Variants in ZGRF1 observed in about 807,000 individuals in gnomAD.
ZGRF1 encodes 5'-3' DNA helicase ZGRF1.
Under a neutral mutation model 203.5 loss-of-function variants are expected in ZGRF1, and 196 were observed. That is an observed-to-expected ratio of 0.96 (90% CI 0.86 to 1.08). ZGRF1 has a LOEUF of 1.08. ZGRF1 is among the 50% of genes least tolerant of loss of function. The pLI, the probability that ZGRF1 is intolerant of heterozygous loss-of-function variation, is 0.00. For missense variants in ZGRF1, 2,326 were observed against 2,416.3 expected, an observed-to-expected ratio of 0.96 and a Z score of 0.78; for synonymous variants, 809 against 841.3, an observed-to-expected ratio of 0.96 and a Z score of 0.66.
Position 112,619,330 on chromosome 4 carries a change from A to T in ZGRF1, c.712T>A (p.Leu238Met). Residue 238 changes from leucine to methionine, a missense_variant, in exon 6 of 28, where the codon TTG becomes ATG. Physicochemically the swap from Leu to Met is conservative, Grantham distance 15. Coordinates refer to ENST00000505019, the MANE Select transcript of ZGRF1 (RefSeq NM_018392.5). ...LTNEPVKRDS[L>M]ASHYSGVSQN... The stretch of plus-strand genomic sequence containing the variant: ...GAAACTCCTGAATAGTGAGATGCCA[A>T]ACTATCTCTTTTCACAGGCTCATTG... 1 of 1,612,682 alleles carries T rather than the reference A, an allele frequency of 6.2e-7. No homozygotes were observed. The highest frequency in any genetic ancestry group is 8.5e-7 in the Non-Finnish European group (1 of 1,179,310).
chr4:112,555,841 C>A (rs1740831361), intron 20 of ZGRF1, among the ~76,000 whole-genome samples: 1 of 152,196 alleles, frequency 6.6e-6, no homozygotes, highest in South Asian at 2.1e-4. Flanking sequence ...TCAGGTTCTT[C>A]TCAGAGATTT....
chr4:112,542,725 C>A (rs927091432), intron 24 of ZGRF1, among the ~76,000 whole-genome samples: 2 of 152,136 alleles, frequency 1.3e-5, no homozygotes, highest in Non-Finnish European at 2.9e-5. Flanking sequence ...AGGTGCCTGA[C>A]ACCCCACCCA....
In ZGRF1 at chr4:112,618,078, T is replaced by C. The variant is rs1378205247; in HGVS notation, c.1964A>G (p.Tyr655Cys). 6.2e-7 allele frequency: 1 copy of C among 1,613,930 alleles called. No individual in the cohort carries two copies. The highest frequency in any genetic ancestry group is 1.7e-5 in the Admixed American group (1 of 60,028). Reference protein sequence around the residue: ...FESFKWTDAVYGDNKEDANKP... With the variant: ...FESFKWTDAVCGDNKEDANKP... ...ATTAGCATCTTCTTTATTATCTCCG[T>C]ATACAGCATCAGTCCACTTGAAAGA... is the stretch of plus-strand genomic sequence containing the variant. The change falls in exon 6 of 28, where the codon TAC (tyrosine) becomes TGC (cysteine). Residue 655 changes from tyrosine (Y) to cysteine (C), a missense_variant. Coordinates refer to ENST00000505019, the MANE Select transcript of ZGRF1 (RefSeq NM_018392.5).
In ZGRF1 at chr4:112,619,501, T is replaced by C. The variant is rs778886166; in HGVS notation, c.541A>G (p.Thr181Ala). Residue 181 changes from threonine to alanine, a missense_variant, in exon 6 of 28, where the codon ACT becomes GCT. Physicochemically the swap from Thr to Ala is moderately conservative, Grantham distance 58. Coordinates refer to ENST00000505019, the MANE Select transcript of ZGRF1 (RefSeq NM_018392.5). ...NILADPENIV[T>A]YKNRERNAMD... Reference sequence around the variant, plus strand: ...GCATTTCTCTCCCTGTTCTTGTAAGTCACAATGTTCTCAGGGTCTGCCAGT... The same window carrying C: ...GCATTTCTCTCCCTGTTCTTGTAAGCCACAATGTTCTCAGGGTCTGCCAGT... The C allele has an allele frequency of 1.2e-5, 20 of 1,613,390 alleles. No homozygotes were observed. Among genetic ancestry groups the C allele is most frequent in the Admixed American group, 1.7e-5 (1 of 59,874 alleles).
At chr4:112,624,601 T>C (rs1384404435) in intron 3 of ZGRF1, among the ~76,000 whole-genome samples, 4 of 152,100 alleles carry the variant, frequency 2.6e-5, no homozygotes, top group Admixed American at 6.6e-5. Flanking sequence ...TATTGACATT[T>C]GGGAGGATAA....
At position 112,541,149 on chromosome 4, in the gene ZGRF1, G is replaced by T; in HGVS notation, c.5718C>A (p.Ser1906Arg). The change falls in exon 25 of 28, where the codon AGC (serine) becomes AGA (arginine). Residue 1906 changes from serine (S) to arginine (R), a missense_variant. Ser to Arg is a moderately radical substitution (Grantham distance 110). Coordinates refer to ENST00000505019, the MANE Select transcript of ZGRF1 (RefSeq NM_018392.5). Reference sequence around the variant, plus strand: ...GGGTTGGTAGCCATTCCAATAAAGGGCTCCGCTCTATTTCTGTTACACCAT... The same window carrying T: ...GGGTTGGTAGCCATTCCAATAAAGGTCTCCGCTCTATTTCTGTTACACCAT... ...LMNGVTEIERSPLLEWLPTLC... is the reference protein window; with the variant it reads ...LMNGVTEIERRPLLEWLPTLC... 1 of 1,609,792 alleles carries T rather than the reference G, an allele frequency of 6.2e-7. No homozygotes were observed. Among genetic ancestry groups the T allele is most frequent in the South Asian group, 1.1e-5 (1 of 90,162 alleles).
At chr4:112,576,028 C>T (rs548514902) in intron 16 of ZGRF1, among the ~76,000 whole-genome samples, 1 of 152,232 alleles carries the variant, frequency 6.6e-6, no homozygotes, top group Admixed American at 6.5e-5. Context: ...AGGCACCCCC[C>T]AGTAGGGGCA....
chr4:112,557,683 G>C (rs1463308412), intron 20 of ZGRF1, among the ~76,000 whole-genome samples: 1 of 152,180 alleles, frequency 6.6e-6, no homozygotes, highest in African/African-American at 2.4e-5. Context: ...ACTGAGGCTG[G>C]GGATCCATTA....
intron 14 of ZGRF1, 143 bp from the exon 15 acceptor site, chr4:112,584,317 T>C: frequency 2.4e-6 from 1 of 412,982 alleles, no homozygotes; most frequent in Non-Finnish European, 4.2e-6. Flanking sequence ...CTTAACTTTA[T>C]CATTAATTTA....
Position 112,619,330 on chromosome 4 carries a change from A to G in ZGRF1, c.712T>C (p.Leu238=), listed in dbSNP as rs976958709. ...LTNEPVKRDS[L]ASHYSGVSQN... ...GAAACTCCTGAATAGTGAGATGCCA[A>G]ACTATCTCTTTTCACAGGCTCATTG... Residue 238 remains leucine (L), a synonymous_variant, in exon 6 of 28, where the codon TTG becomes CTG. Transcript: ENST00000505019. 2 of 1,612,564 alleles carry G rather than the reference A, an allele frequency of 1.2e-6. No homozygotes were observed. Among genetic ancestry groups the G allele is most frequent in the Admixed American group, 3.3e-5 (2 of 59,854 alleles).
chr4:112,588,257 G>A (rs1747568240), intron 11 of ZGRF1, among the ~76,000 whole-genome samples: 2 of 151,744 alleles, frequency 1.3e-5, no homozygotes, highest in Non-Finnish European at 1.5e-5. Flanking sequence ...CAACAAAAAT[G>A]CATCATTCTC....
At chr4:112,603,977 C>T (rs1234288518) in intron 9 of ZGRF1, among the ~76,000 whole-genome samples, 2 of 152,156 alleles carry the variant, frequency 1.3e-5, no homozygotes, top group East Asian at 1.9e-4. Flanking sequence ...AATTCCTGCA[C>T]TTTGGGAGGC....
chr4:112,594,421 T>C (rs1018291840), intron 10 of ZGRF1, among the ~76,000 whole-genome samples: 1 of 151,978 alleles, frequency 6.6e-6, no homozygotes, highest in Non-Finnish European at 1.5e-5. Context: ...AGGAAAGCTA[T>C]TAATTTTTTA....
intron 16 of ZGRF1, among the ~76,000 whole-genome samples, chr4:112,581,101 A>G (rs1219123360): frequency 6.6e-6 from 1 of 152,108 alleles, no homozygotes; most frequent in Non-Finnish European, 1.5e-5. Context: ...TGCAGCCATA[A>G]AAAAGGATGA....
rs965841797 is a variant in ZGRF1 at position 112,553,908 on chromosome 4, G to C, written c.5273C>G (p.Pro1758Arg). Residue 1758 changes from proline (P) to arginine (R), a missense_variant, in exon 22 of 28, where the codon CCT becomes CGT. Transcript: ENST00000505019. ...LHALMKEDLT[P>R]TERVYVRKSI... ...TTTTCTCACATAGACTCTTTCCGTAGGAGTCAGGTCTTCTTTCATTAGTGC... is the reference window on the plus strand; with the variant it reads ...TTTTCTCACATAGACTCTTTCCGTACGAGTCAGGTCTTCTTTCATTAGTGC... 1 of 1,613,440 alleles carries C rather than the reference G, an allele frequency of 6.2e-7. No homozygotes were observed. The highest frequency in any genetic ancestry group is 1.7e-5 in the Admixed American group (1 of 59,958).
At chr4:112,603,797 A>T (rs1578419195) in intron 9 of ZGRF1, 100 bp from the exon 10 acceptor site, 1 of 817,892 alleles carries the variant, frequency 1.2e-6, no homozygotes, top group East Asian at 2.7e-5. Context: ...TCAGCTTTTT[A>T]TTACAGGAAC....
intron 16 of ZGRF1, among the ~76,000 whole-genome samples, chr4:112,575,344 C>A (rs1199534110): frequency 1.3e-5 from 2 of 152,178 alleles, no homozygotes; most frequent in Non-Finnish European, 2.9e-5. Flanking sequence ...CAGCTCCCAG[C>A]GTGAGCAATG....
chr4:112,542,463 GT>G (rs1737830540), intron 24 of ZGRF1, among the ~76,000 whole-genome samples: 1 of 152,130 alleles, frequency 6.6e-6, no homozygotes, highest in Non-Finnish European at 1.5e-5. Flanking sequence ...TTACGGTATG[GT>G]TTCAACTATG....
chr4:112,587,244 G>A (rs1747333475), intron 12 of ZGRF1, 36 bp downstream of exon 12: 1 of 1,538,102 alleles, frequency 6.5e-7, no homozygotes, highest in Non-Finnish European at 8.7e-7. Flanking sequence ...AATAACTATT[G>A]GAAAAATGCA....
Sources: allele counts gnomAD v4.1 joint callset (sites outside exome capture counted in the v4.1 genomes callset), GRCh38; gene constraint gnomAD v4.1.1; transcripts MANE v1.5; gene names NCBI Gene and HGNC (gene_info 2026-07-23, HGNC 2026-07-21).